The following MDGA2 variants were observed in gnomAD, a reference collection of about 807,000 sequenced individuals.
MDGA2 encodes MAM domain-containing glycosylphosphatidylinositol anchor protein 2.
In MDGA2, 40 loss-of-function variants were observed where a neutral mutation model predicts 117.8. The observed-to-expected ratio is 0.34, with a 90% CI of 0.26 to 0.44. The LOEUF (loss-of-function observed/expected upper bound fraction) is 0.44. Ranked by LOEUF, MDGA2 falls within the 20% of genes least tolerant of loss-of-function variation. The pLI is 1.00. For missense variants in MDGA2, 1,123 were observed against 1,250.6 expected, an observed-to-expected ratio of 0.90 and a Z score of 1.54; for synonymous variants, 452 against 439.0, an observed-to-expected ratio of 1.03 and a Z score of -0.37.
At position 46,935,224 on chromosome 14, in the gene MDGA2, A is replaced by T. The variant is rs149137037; in HGVS notation, c.2090-15064T>A. Among the ~76,000 whole-genome samples, 345 of 152,222 alleles carry T rather than the reference A, an allele frequency of 2.3e-3. 2 individuals carry two copies. The highest frequency in any genetic ancestry group is 7.8e-3 in the African/African-American group (326 of 41,554). On this transcript the variant is annotated intron_variant, in intron 9 of 16. Transcript: ENST00000399232. Reference sequence around the variant, plus strand: ...ATGTACATTATGCCCAATTCCTGAGATCAGCACAAATCGCCCATTTTGTAG... The same window carrying T: ...ATGTACATTATGCCCAATTCCTGAGTTCAGCACAAATCGCCCATTTTGTAG...
intron 7 of MDGA2, among the ~76,000 whole-genome samples, chr14:47,045,821 C>T (rs111457110): frequency 7.9e-5 from 12 of 151,926 alleles, no homozygotes; most frequent in African/African-American, 2.4e-4. Context: ...AAAAATTAGC[C>T]GGGCGTGGTG....
chr14:47,292,552 AG>A (rs777374613), intron 2 of MDGA2, among the ~76,000 whole-genome samples: 132 of 152,264 alleles, frequency 8.7e-4, no homozygotes, highest in Non-Finnish European at 1.6e-3. Flanking sequence ...AGCCCTCAAA[AG>A]GCTTTGCTAG....
At position 46,841,662 on chromosome 14, in the gene MDGA2, C is replaced by A; in HGVS notation, c.*269G>T. On this transcript the variant is annotated 3_prime_UTR_variant, in exon 17 of 17. Transcript: ENST00000399232. ...TTTTTTCCAGAGTTCAACCAGATGA[C>A]GCTGTAATCTTTTTAGCCACAAAAG... 5.0e-6 allele frequency: 1 copy of A among 198,498 alleles called. No homozygotes were observed. The highest frequency in any genetic ancestry group is 9.6e-6 in the Non-Finnish European group (1 of 103,846). 12.3% of individuals were successfully genotyped at this position (198,498 alleles called of 1,614,324 possible).
At chr14:46,958,457 T>C (rs1885650846) in intron 8 of MDGA2, among the ~76,000 whole-genome samples, 1 of 152,160 alleles carries the variant, frequency 6.6e-6, no homozygotes, top group South Asian at 2.1e-4. Flanking sequence ...AAATAAAGGA[T>C]TTATATGATC....
intron 1 of MDGA2, among the ~76,000 whole-genome samples, chr14:47,593,381 G>A (rs980007923): frequency 5.9e-5 from 9 of 152,146 alleles, no homozygotes; most frequent in African/African-American, 1.4e-4. Context: ...CCATTACTGG[G>A]TGTATACCCA....
chr14:47,070,993 C>A (rs1028436029), intron 6 of MDGA2, among the ~76,000 whole-genome samples: 1 of 152,216 alleles, frequency 6.6e-6, no homozygotes, highest in African/African-American at 2.4e-5. Context: ...TCTCTCTCCC[C>A]ACATGGGAAT....
At chr14:46,984,420 T>G (rs996885467) in intron 8 of MDGA2, among the ~76,000 whole-genome samples, 8 of 152,014 alleles carry the variant, frequency 5.3e-5, no homozygotes, top group African/African-American at 1.9e-4. Flanking sequence ...GTAATTCTAT[T>G]TTTGATTATA....
chr14:47,331,243 T>C (rs1275151456), intron 1 of MDGA2, among the ~76,000 whole-genome samples: 1 of 151,910 alleles, frequency 6.6e-6, no homozygotes, highest in African/African-American at 2.4e-5. Context: ...AAACGTACTT[T>C]TATGACAAAA....
chr14:47,410,460 C>G (rs1310022689), intron 1 of MDGA2, among the ~76,000 whole-genome samples: 1 of 152,014 alleles, frequency 6.6e-6, no homozygotes, highest in Non-Finnish European at 1.5e-5. Flanking sequence ...TTTTTACATA[C>G]TTGTGGTTTA....
At chr14:47,461,687 C>CA (rs1566468913) in intron 1 of MDGA2, among the ~76,000 whole-genome samples, 5 of 150,456 alleles carry the variant, frequency 3.3e-5, no homozygotes, top group South Asian at 4.2e-4. Context: ...AAAATAAAAA[C>CA]GAAAAAAATA....
At chr14:47,274,601 A>G (rs182009447) in intron 2 of MDGA2, among the ~76,000 whole-genome samples, 125 of 152,188 alleles carry the variant, frequency 8.2e-4, no homozygotes, top group Non-Finnish European at 1.6e-3. Context: ...CTAAGGAGTA[A>G]AACTGCTGGG....
intron 5 of MDGA2, among the ~76,000 whole-genome samples, chr14:47,102,441 A>G (rs1401476515): frequency 6.6e-6 from 1 of 151,984 alleles, no homozygotes; most frequent in African/African-American, 2.4e-5. Flanking sequence ...ATAAAACAGA[A>G]TAAACGCCAA....
chr14:47,413,668 T>TG (rs1892418203), intron 1 of MDGA2, among the ~76,000 whole-genome samples: 2 of 115,102 alleles, frequency 1.7e-5, no homozygotes, highest in South Asian at 3.1e-4. Context: ...TAATAGTTTT[T>TG]GGTTTTTTTT....
At chr14:47,670,631 G>C (rs1279642439) in intron 1 of MDGA2, among the ~76,000 whole-genome samples, 3 of 152,076 alleles carry the variant, frequency 2.0e-5, no homozygotes, top group African/African-American at 7.2e-5. Flanking sequence ...CAGATAGCTA[G>C]GTTTTACATT....
rs1013975424 is a variant in MDGA2 at position 46,841,831 on chromosome 14, G to A, written c.*100C>T. On this transcript the variant is annotated 3_prime_UTR_variant, in exon 17 of 17. Transcript: ENST00000399232. ...TTTATTTTTGAGTCAGTAGTCAGTG[G>A]AGGAATCTTTGGTAGTTTGTTTGTT... 15 of 790,320 alleles carry A rather than the reference G, an allele frequency of 1.9e-5. No homozygotes were observed. The highest frequency in any genetic ancestry group is 2.6e-5 in the Non-Finnish European group (13 of 495,778). 49.0% of individuals were successfully genotyped at this position (790,320 alleles called of 1,614,324 possible). A position where few individuals can be genotyped will look rare whatever the true frequency, so the allele number is the denominator to read the frequency against.
chr14:46,890,135 T>C (rs142802845), intron 10 of MDGA2, among the ~76,000 whole-genome samples: 174 of 152,186 alleles, frequency 1.1e-3, no homozygotes, highest in African/African-American at 3.8e-3. Flanking sequence ...CACCTCCTGC[T>C]CACTTCCACC....
chr14:47,380,755 G>T (rs959642553), intron 1 of MDGA2, among the ~76,000 whole-genome samples: 2 of 151,892 alleles, frequency 1.3e-5, no homozygotes, highest in African/African-American at 4.8e-5. Context: ...GGACCAGATG[G>T]ATTCACAGCC....
At chr14:46,865,493 C>T (rs1196626920) in intron 14 of MDGA2, among the ~76,000 whole-genome samples, 2 of 152,250 alleles carry the variant, frequency 1.3e-5, no homozygotes, top group African/African-American at 4.8e-5. Flanking sequence ...GACAGGGATG[C>T]CCTCTCTCAC....
chr14:47,475,842 C>T (rs1204044987), intron 1 of MDGA2, among the ~76,000 whole-genome samples: 3 of 151,900 alleles, frequency 2.0e-5, no homozygotes, highest in African/African-American at 7.2e-5. Flanking sequence ...CGGGGAGCAT[C>T]AGAAAGAACA....
Sources: gnomAD v4.1 joint callset for allele counts (sites outside exome capture counted in the v4.1 genomes callset) on GRCh38, gnomAD v4.1.1 for gene constraint, MANE v1.5 for transcripts, NCBI Gene and HGNC (gene_info 2026-07-23, HGNC 2026-07-21) for gene names.